The following SCN8A variants were observed in gnomAD, a reference collection of about 807,000 sequenced individuals.
The protein encoded by SCN8A is sodium channel protein type 8 subunit alpha.
In SCN8A, 30 loss-of-function variants were observed where a neutral mutation model predicts 184.1. That is an observed-to-expected ratio of 0.16 (90% CI 0.12 to 0.22). SCN8A has a LOEUF of 0.22. Ranked by LOEUF, SCN8A falls within the 10% of genes least tolerant of loss-of-function variation. The pLI is 1.00. For missense variants in SCN8A, 1,057 were observed against 2,498.9 expected (o/e 0.42, Z 12.30); for synonymous variants, 852 against 907.0 (o/e 0.94, Z 1.09).
chr12:51,765,050 C>T (rs779363459), intron 15 of SCN8A, among the ~76,000 whole-genome samples: 3 of 152,170 alleles, frequency 2.0e-5, no homozygotes, highest in Non-Finnish European at 2.9e-5. Flanking sequence ...GCTAGGATTA[C>T]AGGCATGAGC....
chr12:51,766,051 TTTG>T (rs1942832733), intron 16 of SCN8A, 24 bp downstream of exon 16: 1 of 1,584,726 alleles, frequency 6.3e-7, no homozygotes, highest in Non-Finnish European at 8.7e-7. Flanking sequence ...TGTAGATATT[TTTG>T]TTCTACACCC....
intron 1 of SCN8A, among the ~76,000 whole-genome samples, chr12:51,596,832 A>G (rs920616273): frequency 6.6e-6 from 1 of 152,208 alleles, no homozygotes; most frequent in African/African-American, 2.4e-5. Flanking sequence ...GTAAACACAT[A>G]TACTTGGCTA....
At chr12:51,745,307 G>T (rs976036790) in intron 12 of SCN8A, among the ~76,000 whole-genome samples, 2 of 152,164 alleles carry the variant, frequency 1.3e-5, no homozygotes, top group Non-Finnish European at 2.9e-5. Context: ...AAACCTTTCT[G>T]TACTTTCTTA....
chr12:51,807,576 A>T lies in SCN8A; in HGVS notation c.*147A>T, dbSNP rs1938747425. ...AAACGTCGTCTGCTTACCACGTAAC[A>T]CAGCTGCATCTTGAGCAGTGACCTG... On this transcript the variant is annotated 3_prime_UTR_variant, in exon 27 of 27. Transcript: ENST00000627620. This position sits in a 1 kb window ranked among gnomAD's most constrained non-coding sequence, Gnocchi z 4.5. 1 of 850,614 alleles carries T rather than the reference A, an allele frequency of 1.2e-6. No homozygotes were observed. Among genetic ancestry groups the T allele is most frequent in the South Asian group, 1.7e-5 (1 of 60,230 alleles). 52.7% of individuals were successfully genotyped at this position (850,614 alleles called of 1,614,324 possible). A position where few individuals can be genotyped will look rare whatever the true frequency, so the allele number is the denominator to read the frequency against.
Position 51,762,401 on chromosome 12 carries a change from T to C in SCN8A, c.2371-102T>C, listed in dbSNP as rs150330965. The C allele has an allele frequency of 9.9e-6, 11 of 1,113,370 alleles. No individual in the cohort carries two copies. The East Asian group carries it at 2.7e-4, about 27-fold the overall frequency. The allele number at this position is 1,113,370 out of a possible 1,614,324, so 69.0% of individuals were successfully genotyped here. A position where few individuals can be genotyped will look rare whatever the true frequency, so the allele number is the denominator to read the frequency against. The stretch of plus-strand genomic sequence containing the variant: ...CTTCAGATGCAGAATTTAACTAAGG[T>C]TAACTCTTGAGGTTTCTTGGACATG... On this transcript the variant is annotated intron_variant, in intron 14 of 26. Coordinates refer to ENST00000627620, the MANE Select transcript of SCN8A (RefSeq NM_001330260.2).
chr12:51,605,115 C>T (rs1333644234), intron 1 of SCN8A, among the ~76,000 whole-genome samples: 1 of 150,386 alleles, frequency 6.6e-6, no homozygotes, highest in Non-Finnish European at 1.5e-5. Context: ...ATTGTCATAG[C>T]TTTCTTTTCT....
intron 1 of SCN8A, among the ~76,000 whole-genome samples, chr12:51,602,914 T>C (rs1259828950): frequency 6.6e-6 from 1 of 152,240 alleles, no homozygotes; most frequent in Admixed American, 6.5e-5. Flanking sequence ...TTCTAGCTCA[T>C]GAATGGCAAA....
intron 14 of SCN8A, among the ~76,000 whole-genome samples, chr12:51,757,498 G>A (rs1466945244): frequency 6.6e-6 from 1 of 152,140 alleles, no homozygotes; most frequent in Non-Finnish European, 1.5e-5. Context: ...AATGCAATGA[G>A]GGCTGAAGGA....
In SCN8A at chr12:51,810,249, C is replaced by CT. The variant is rs1222017182; in HGVS notation, c.*2825dup. ...CACCTCCGCTGTATTTGAAGTTTCA[C>CT]TTTTTAAAAAAAAAATGTTTCCCAC... On this transcript the variant is annotated 3_prime_UTR_variant, in exon 27 of 27. Coordinates refer to ENST00000627620, the MANE Select transcript of SCN8A (RefSeq NM_001330260.2). 4 of 248,948 alleles carry CT rather than the reference C, an allele frequency of 1.6e-5. No individual in the cohort carries two copies. Among genetic ancestry groups the CT allele is most frequent in the South Asian group, 3.4e-5 (1 of 29,426 alleles). 15.4% of individuals were successfully genotyped at this position (248,948 alleles called of 1,614,324 possible). A position where few individuals can be genotyped will look rare whatever the true frequency, so the allele number is the denominator to read the frequency against.
intron 19 of SCN8A, among the ~76,000 whole-genome samples, chr12:51,772,593 T>C (rs1174434988): frequency 6.6e-6 from 1 of 151,962 alleles, no homozygotes; most frequent in Non-Finnish European, 1.5e-5. Flanking sequence ...ACATGGAAGC[T>C]GTTGCCTTTT....
intron 11 of SCN8A, among the ~76,000 whole-genome samples, chr12:51,720,839 G>T (rs1164429051): frequency 3.9e-5 from 6 of 151,934 alleles, no homozygotes; most frequent in African/African-American, 1.4e-4. Flanking sequence ...GCCGAGGCGG[G>T]TGGATCACCT....
intron 26 of SCN8A, among the ~76,000 whole-genome samples, chr12:51,803,038 G>T (rs1938598374): frequency 6.6e-6 from 1 of 152,190 alleles, no homozygotes; most frequent in Non-Finnish European, 1.5e-5. Flanking sequence ...GGATAGATGT[G>T]ATCTCACATG....
intron 2 of SCN8A, among the ~76,000 whole-genome samples, chr12:51,683,023 A>C (rs2138706100): frequency 6.6e-6 from 1 of 152,242 alleles, no homozygotes; most frequent in East Asian, 1.9e-4. Context: ...CCTTCCAAAT[A>C]TTAGTTACCT....
At chr12:51,634,099 AACT>A (rs1940260601) in intron 1 of SCN8A, among the ~76,000 whole-genome samples, 1 of 152,224 alleles carries the variant, frequency 6.6e-6, no homozygotes, top group South Asian at 2.1e-4. Flanking sequence ...TCAAACAATG[AACT>A]ACTGCTATGG....
In SCN8A at chr12:51,721,857, G is replaced by A; in HGVS notation, c.1947G>A (p.Val649=). The part of the protein sequence containing the change: ...RNSTVDCNGV[V]SLIGGPGSHI... ...GCACGGTGGACTGCAACGGCGTGGT[G>A]TCCCTCATCGGCGGCCCCGGCTCCC... is the stretch of plus-strand genomic sequence containing the variant. Residue 649 remains valine, a synonymous_variant, in exon 12 of 27, where the codon GTG becomes GTA. Coordinates refer to ENST00000627620, the MANE Select transcript of SCN8A (RefSeq NM_001330260.2). The A allele has an allele frequency of 6.2e-7, 1 of 1,603,324 alleles. No individual in the cohort carries two copies. Among genetic ancestry groups the A allele is most frequent in the Non-Finnish European group, 8.5e-7 (1 of 1,179,810 alleles).
intron 1 of SCN8A, among the ~76,000 whole-genome samples, chr12:51,615,801 T>G (rs1040092902): frequency 4.6e-5 from 7 of 151,870 alleles, no homozygotes; most frequent in African/African-American, 1.2e-4. Flanking sequence ...CACTGCAGCC[T>G]CAAACTTCTG....
At chr12:51,691,270 A>G (rs1482073252) in intron 6 of SCN8A, among the ~76,000 whole-genome samples, 3 of 152,110 alleles carry the variant, frequency 2.0e-5, no homozygotes, top group East Asian at 1.9e-4. Flanking sequence ...TATTCTATTC[A>G]CTAACTAGGG....
rs183612436 is a variant in SCN8A, at chr12:51,694,465, C to T, written c.707-5105C>T. Reference sequence around the variant, plus strand: ...TCCAGCTTTCCCTCTTGTCACTGACCGTTCTCTACATTGAATCCAGCTGTC... The same window carrying T: ...TCCAGCTTTCCCTCTTGTCACTGACTGTTCTCTACATTGAATCCAGCTGTC... On this transcript the variant is annotated intron_variant, in intron 6 of 26. Transcript: ENST00000627620. Among the ~76,000 whole-genome samples, 168 of 152,258 alleles carry T rather than the reference C, an allele frequency of 1.1e-3. 3 individuals carry two copies. The highest frequency in any genetic ancestry group is 9.7e-3 in the Admixed American group (148 of 15,296).
At chr12:51,656,128 A>G (rs1940817533) in intron 1 of SCN8A, among the ~76,000 whole-genome samples, 1 of 152,208 alleles carries the variant, frequency 6.6e-6, no homozygotes, top group Non-Finnish European at 1.5e-5. Flanking sequence ...TAATGGATGA[A>G]TAGAACTTAG....
Sources: allele counts gnomAD v4.1 joint callset (sites outside exome capture counted in the v4.1 genomes callset), GRCh38; gene constraint gnomAD v4.1.1; non-coding constraint Gnocchi (gnomAD v3.1); transcripts MANE v1.5; gene names NCBI Gene and HGNC (gene_info 2026-07-23, HGNC 2026-07-21).